CNNM2: variants seen among roughly 807,000 people sequenced by gnomAD.
CNNM2 encodes metal transporter CNNM2.
Under a neutral mutation model 66.9 loss-of-function variants are expected in CNNM2, and 12 were observed. That is an observed-to-expected ratio of 0.18 (90% confidence interval 0.11 to 0.29). CNNM2 has a LOEUF of 0.29. CNNM2 is among the 10% of genes least tolerant of loss of function. CNNM2 has a pLI of 1.00. For synonymous variants in CNNM2, 557 were observed against 501.8 expected (o/e 1.11, Z -1.47); for missense variants, 705 against 1,167.7 (o/e 0.60, Z 5.77).
rs149027007 is a variant in CNNM2, at chr10:103,017,284, G to A, written c.1622-32423G>A. ...AGTAGACGAATGCATGAAGACGTAC[G>A]ATGGAGGATGTCATTAGGTGTCTAC... On this transcript the variant is annotated intron_variant, in intron 1 of 7. Coordinates refer to ENST00000369878, the MANE Select transcript of CNNM2 (RefSeq NM_017649.5). 7.9e-4 allele frequency among the ~76,000 whole-genome samples: 121 copies of A among 152,320 alleles called. 2 individuals are homozygous for A. Among genetic ancestry groups the A allele is most frequent in the Admixed American group, 7.5e-3 (115 of 15,294 alleles).
Position 103,089,483 on chromosome 10 carries a change from C to G in CNNM2, c.*12303C>G. On this transcript the variant is annotated 3_prime_UTR_variant, in exon 8 of 8. Coordinates refer to ENST00000369878, the MANE Select transcript of CNNM2 (RefSeq NM_017649.5). ...AGACTCCATTACAATTTTGGACCAT[C>G]TGCAGAGAGTACAGATACACAAAAC... 9.7e-7 allele frequency: 1 copy of G among 1,031,594 alleles called. No homozygotes were observed. Among genetic ancestry groups the G allele is most frequent in the Non-Finnish European group, 1.3e-6 (1 of 757,198 alleles). The allele number at this position is 1,031,594 out of a possible 1,614,324, so 63.9% of individuals were successfully genotyped here. A position where few individuals can be genotyped will look rare whatever the true frequency, so the allele number is the denominator to read the frequency against.
Position 102,979,848 on chromosome 10 carries a change from C to T in CNNM2, c.1621+59747C>T, listed in dbSNP as rs557021045. On this transcript the variant is annotated intron_variant, in intron 1 of 7. Transcript: ENST00000369878. ...AGACACAGGGCTTAAAATAGCAACT[C>T]CTTATCTCATTCTAATTCCTACTCT... Among the ~76,000 whole-genome samples, 3 of 152,132 alleles carry T rather than the reference C, an allele frequency of 2.0e-5. No homozygotes were observed. In the East Asian group the frequency reaches 5.8e-4, roughly 29 times the overall value.
intron 3 of CNNM2, among the ~76,000 whole-genome samples, chr10:103,056,465 T>C (rs189309738): frequency 1.3e-5 from 2 of 152,350 alleles, no homozygotes; most frequent in South Asian, 2.1e-4. Context: ...CAGGCTGTTA[T>C]GGCTTGTTGA....
chr10:103,038,932 T>C (rs1304514888), intron 1 of CNNM2, among the ~76,000 whole-genome samples: 1 of 152,136 alleles, frequency 6.6e-6, no homozygotes, highest in East Asian at 1.9e-4. Flanking sequence ...GTGTATTTTA[T>C]GGTGGGAAAA....
chr10:103,057,592 G>T (rs1018121127), intron 4 of CNNM2, among the ~76,000 whole-genome samples: 2 of 152,134 alleles, frequency 1.3e-5, no homozygotes, highest in Non-Finnish European at 2.9e-5. Context: ...GAATCTCAGT[G>T]GGTGTTTGAA....
chr10:102,927,752 C>CAAA, intron 1 of CNNM2: 1 of 226,024 alleles, frequency 4.4e-6, no homozygotes, highest in Non-Finnish European at 8.7e-6. Flanking sequence ...GACTCTGTCT[C>CAAA]AAAAAAAAAG....
intron 1 of CNNM2, among the ~76,000 whole-genome samples, chr10:103,046,205 G>A (rs2065124907): frequency 6.6e-6 from 1 of 152,226 alleles, no homozygotes; most frequent in African/African-American, 2.4e-5. Flanking sequence ...GAAAAGTTAT[G>A]TTTGGTCATG....
chr10:103,076,960 T>G lies in CNNM2; in HGVS notation c.2419-11T>G. 6.2e-7 allele frequency: 1 copy of G among 1,612,898 alleles called. No homozygotes were observed. Among genetic ancestry groups the G allele is most frequent in the Non-Finnish European group, 8.5e-7 (1 of 1,179,362 alleles). On this transcript the variant is annotated splice_polypyrimidine_tract_variant and intron_variant, in intron 7 of 7. Coordinates refer to ENST00000369878, the MANE Select transcript of CNNM2 (RefSeq NM_017649.5). ...TCTTGGTTTGTTTTCTGTGCCATCT[T>G]CTGGCCCCAGATCTCAAGACAGCAA... is the stretch of plus-strand genomic sequence containing the variant.
chr10:103,021,813 T>C (rs1259629776), intron 1 of CNNM2, among the ~76,000 whole-genome samples: 4 of 152,214 alleles, frequency 2.6e-5, no homozygotes, highest in Non-Finnish European at 2.9e-5. Flanking sequence ...AAATATTTTC[T>C]AGCAAATTTT....
At chr10:103,057,411 T>C (rs2065313240) in intron 4 of CNNM2, among the ~76,000 whole-genome samples, 1 of 151,624 alleles carries the variant, frequency 6.6e-6, no homozygotes, top group African/African-American at 2.4e-5. Context: ...CCCAGGAGGT[T>C]GCCATGTTTG....
intron 1 of CNNM2, among the ~76,000 whole-genome samples, chr10:103,016,891 T>G (rs2064462681): frequency 6.6e-6 from 1 of 152,160 alleles, no homozygotes; most frequent in Non-Finnish European, 1.5e-5. Flanking sequence ...TTCTTCCTTT[T>G]GTTTCCTCCA....
intron 1 of CNNM2, among the ~76,000 whole-genome samples, chr10:103,022,988 G>A (rs1444159658): frequency 6.6e-6 from 1 of 152,060 alleles, no homozygotes; most frequent in Non-Finnish European, 1.5e-5. Context: ...CTGCAGCATT[G>A]ACCTCCCGGG....
Position 103,056,789 on chromosome 10 carries a change from C to G in CNNM2, c.1904-6C>G, listed in dbSNP as rs770759918. On this transcript the variant is annotated splice_region_variant and splice_polypyrimidine_tract_variant and intron_variant, in intron 3 of 7. Transcript: ENST00000369878. ...ATGTAATATCAAGTTGTGTTTATAT[C>G]TATAGAAGTAGAAGCATTTAGCCCA... is the stretch of plus-strand genomic sequence containing the variant. The G allele has an allele frequency of 3.7e-6, 6 of 1,613,246 alleles. No homozygotes were observed. Among genetic ancestry groups the G allele is most frequent in the Non-Finnish European group, 1.7e-6 (2 of 1,179,278 alleles).
chr10:103,066,800 G>T (rs1377981141), intron 4 of CNNM2, among the ~76,000 whole-genome samples: 1 of 152,196 alleles, frequency 6.6e-6, no homozygotes, highest in Non-Finnish European at 1.5e-5. Flanking sequence ...CTGCTGCATG[G>T]TCAGCCCGTG....
Sources: gnomAD v4.1 joint callset for allele counts (sites outside exome capture counted in the v4.1 genomes callset) on GRCh38, gnomAD v4.1.1 for gene constraint, MANE v1.5 for transcripts, NCBI Gene and HGNC (gene_info 2026-07-23, HGNC 2026-07-21) for gene names.